REPS1: variants seen among roughly 807,000 people sequenced by gnomAD.
The protein encoded by REPS1 is ralBP1-associated Eps domain-containing protein 1.
A neutral mutation model predicts 100.9 loss-of-function variants in REPS1; 39 were observed. The observed-to-expected ratio is 0.39, with a 90% CI of 0.30 to 0.50. REPS1 has a LOEUF of 0.50. REPS1 is among the 20% of genes least tolerant of loss of function. REPS1 has a pLI of 0.86. For synonymous variants in REPS1, 324 were observed against 340.3 expected (o/e 0.95, Z 0.53); for missense variants, 821 against 968.5 (o/e 0.85, Z 2.02).
At position 138,917,588 on chromosome 6, in the gene REPS1, G is replaced by T; in HGVS notation, c.1568C>A (p.Pro523Gln). 6.2e-7 allele frequency: 1 copy of T among 1,613,542 alleles called. No individual in the cohort carries two copies. ...AGTTACATTGCTCCCGATCTGTTCT[G>T]GGTCAGAAGTAAAAGAGTCTGAACT... The part of the protein sequence containing the change: ...YSSSDSFTSD[P>Q]EQIGSNVTRQ... The change falls in exon 13 of 20, where the codon CCA (proline) becomes CAA (glutamine). Residue 523 changes from proline to glutamine, a missense_variant. By Grantham distance (76) the Pro-to-Gln change is moderately conservative. Coordinates refer to ENST00000450536, the MANE Select transcript of REPS1 (RefSeq NM_001286611.2).
At chr6:138,933,358 A>T (rs998271464) in intron 8 of REPS1, among the ~76,000 whole-genome samples, 1 of 152,246 alleles carries the variant, frequency 6.6e-6, no homozygotes, top group Non-Finnish European at 1.5e-5. Context: ...GACAATTCAT[A>T]AATAAGTGAT....
chr6:138,913,296 T>C (rs1322683635), intron 15 of REPS1, among the ~76,000 whole-genome samples: 1 of 152,108 alleles, frequency 6.6e-6, no homozygotes, highest in East Asian at 1.9e-4. Context: ...TAATGCACAA[T>C]AGTTTCTTCC....
At chr6:138,937,487 T>A (rs1213003867) in intron 8 of REPS1, among the ~76,000 whole-genome samples, 1 of 152,012 alleles carries the variant, frequency 6.6e-6, no homozygotes, top group African/African-American at 2.4e-5. Flanking sequence ...AAACTCTTCA[T>A]GGAAAGTCTT....
At chr6:138,975,442 G>C (rs1784549977) in intron 1 of REPS1, among the ~76,000 whole-genome samples, 1 of 152,182 alleles carries the variant, frequency 6.6e-6, no homozygotes, top group Admixed American at 6.5e-5. Context: ...AGCTAGGTTT[G>C]AAGAACAACA....
At chr6:138,925,229 T>C (rs907171349) in intron 10 of REPS1, among the ~76,000 whole-genome samples, 3 of 151,460 alleles carry the variant, frequency 2.0e-5, no homozygotes, top group African/African-American at 7.3e-5. Flanking sequence ...TAGCCAGGCA[T>C]GGTGGCGGAC....
intron 19 of REPS1, among the ~76,000 whole-genome samples, chr6:138,905,482 G>A (rs1341932707): frequency 5.4e-5 from 8 of 146,798 alleles, no homozygotes; most frequent in Non-Finnish European, 9.1e-5. Flanking sequence ...TAGTAGAGAC[G>A]GGGTTTCACC....
chr6:138,921,090 A>G lies in REPS1; in HGVS notation c.1373T>C (p.Met458Thr), dbSNP rs1780723967. 3 of 1,612,310 alleles carry G rather than the reference A, an allele frequency of 1.9e-6. No individual in the cohort carries two copies. The highest frequency in any genetic ancestry group is 2.5e-6 in the Non-Finnish European group (3 of 1,178,848). The change falls in exon 11 of 20, where the codon ATG becomes ACG. Residue 458 changes from methionine to threonine, a missense_variant. Physicochemically the swap from Met to Thr is moderately conservative, Grantham distance 81. Around this residue, in one of 3 missense-constraint regions of REPS1, gnomAD observed 757 missense variants for 866.4 expected, o/e 0.87. Coordinates refer to ENST00000450536, the MANE Select transcript of REPS1 (RefSeq NM_001286611.2). Reference protein sequence around the residue: ...TAIVHPVPIRMTPSKIHMQEM... With the variant: ...TAIVHPVPIRTTPSKIHMQEM... ...CTGCATGTGGATTTTGCTTGGAGTCATACGAATGGGAACTGGATGAACAAT... is the reference window on the plus strand; with the variant it reads ...CTGCATGTGGATTTTGCTTGGAGTCGTACGAATGGGAACTGGATGAACAAT...
Position 138,907,673 on chromosome 6 carries a change from A to T in REPS1, c.2217-73T>A, listed in dbSNP as rs185991369. ...CTTAAATCCTCTCTATTCCTTCCTG[A>T]TCTATTTCTAAACATGAGAAGCAAA... On this transcript the variant is annotated intron_variant, in intron 18 of 19. Transcript: ENST00000450536. 1,483 of 940,124 alleles carry T rather than the reference A, an allele frequency of 1.6e-3. 5 individuals are homozygous for T. The highest frequency in any genetic ancestry group is 4.9e-3 in the Middle Eastern group (23 of 4,652). 58.2% of individuals were successfully genotyped at this position (940,124 alleles called of 1,614,324 possible).
chr6:138,937,912 A>C (rs17068141), intron 8 of REPS1, among the ~76,000 whole-genome samples: 13,381 of 152,184 alleles, frequency 0.088, 1,233 homozygotes, highest in African/African-American at 0.23. Context: ...ACAGAAGTAC[A>C]TGTAAAATTG....
Position 138,944,511 on chromosome 6 carries a change from G to A in REPS1, c.740C>T (p.Pro247Leu). The change falls in exon 5 of 20, where the codon CCT (proline) becomes CTT (leucine). Residue 247 changes from proline (P) to leucine (L), a missense_variant. Physicochemically the swap from Pro to Leu is moderately conservative, Grantham distance 98 (BLOSUM62 -3). Transcript: ENST00000450536. ...PPTSTLLTMH[P>L]ASVQDQTTVR... ...AAAATGTCACACCTGGACAGAAGCA[G>A]GATGCATGGTTAAAAGAGTACTGGT... 6.2e-7 allele frequency: 1 copy of A among 1,613,888 alleles called. No individual in the cohort carries two copies. The highest frequency in any genetic ancestry group is 8.5e-7 in the Non-Finnish European group (1 of 1,179,864).
chr6:138,915,815 T>A (rs1780329560), intron 14 of REPS1, 43 bp downstream of exon 14: 1 of 1,347,352 alleles, frequency 7.4e-7, no homozygotes, highest in South Asian at 1.2e-5. Context: ...GGATTAACTT[T>A]AAAATTAAAT....
At chr6:138,968,876 T>C (rs1426855919) in intron 1 of REPS1, among the ~76,000 whole-genome samples, 1 of 151,858 alleles carries the variant, frequency 6.6e-6, no homozygotes, top group East Asian at 1.9e-4. Context: ...AAGCTGCAAC[T>C]TTCTCCATGA....
chr6:138,936,582 G>A (rs1451866775), intron 8 of REPS1, among the ~76,000 whole-genome samples: 6 of 140,420 alleles, frequency 4.3e-5, no homozygotes, highest in Admixed American at 7.1e-5. Context: ...AGAGAGAGAC[G>A]GCAGGGTGGG....
rs750323621 is a variant in REPS1, at chr6:138,944,566, T to A, written c.685A>T (p.Asn229Tyr). 6 of 1,613,894 alleles carry A rather than the reference T, an allele frequency of 3.7e-6. No homozygotes were observed. The South Asian group carries it at 6.6e-5, about 18-fold the overall frequency. ...GGAGTATCTGCAAAACTGACCCAGT[T>A]TTCTTGAGGTGGAGGTGGGGAATGC... The part of the protein sequence containing the change: ...SGHSPPPPQE[N>Y]WVSFADTPPT... Residue 229 changes from asparagine to tyrosine, a missense_variant, in exon 5 of 20, where the codon AAC becomes TAC. Around this residue, in one of 3 missense-constraint regions of REPS1, gnomAD observed 757 missense variants for 866.4 expected, o/e 0.87. Transcript: ENST00000450536.
At chr6:138,981,510 A>G (rs750677754) in intron 1 of REPS1, among the ~76,000 whole-genome samples, 3 of 152,192 alleles carry the variant, frequency 2.0e-5, no homozygotes, top group Non-Finnish European at 4.4e-5. Flanking sequence ...CTAAGCACCC[A>G]TGGATTTATG....
chr6:138,960,664 C>G (rs1401857319), intron 1 of REPS1, among the ~76,000 whole-genome samples: 3 of 152,096 alleles, frequency 2.0e-5, no homozygotes, highest in African/African-American at 7.2e-5. Flanking sequence ...CAGATACATG[C>G]TGGAAAAGGA....
At position 138,908,787 on chromosome 6, in the gene REPS1, T is replaced by C. The variant is rs1183978980; in HGVS notation, c.2097A>G (p.Pro699=). 2 of 1,614,062 alleles carry C rather than the reference T, an allele frequency of 1.2e-6. No homozygotes were observed. Among genetic ancestry groups the C allele is most frequent in the South Asian group, 2.2e-5 (2 of 91,054 alleles). ...TTAATCTTCTTCGAACAGGTTTAGG[T>C]GGTGGAGCAAGTGGTGTTGTGCCTT... ...VSKGTTPLAP[P]PKPVRRRLKS... is the part of the protein sequence containing the mutation. The change falls in exon 18 of 20, where the codon CCA becomes CCG. Residue 699 remains proline (P), a synonymous_variant. Transcript: ENST00000450536.
intron 8 of REPS1, chr6:138,934,091 A>G (rs1781651733): frequency 1.1e-5 from 2 of 186,746 alleles, no homozygotes; most frequent in Non-Finnish European, 2.3e-5. Flanking sequence ...ACAACCATTC[A>G]GTCTAGAAAT....
intron 8 of REPS1, 67 bp from the exon 9 acceptor site, chr6:138,930,165 T>C: frequency 7.2e-7 from 1 of 1,382,628 alleles, no homozygotes; most frequent in East Asian, 2.4e-5. Context: ...GCATATTTAC[T>C]TATTAAAAAA....
Sources: allele counts gnomAD v4.1 joint callset (sites outside exome capture counted in the v4.1 genomes callset), GRCh38; gene constraint gnomAD v4.1.1; regional missense constraint gnomAD v4.1.1; transcripts MANE v1.5; gene names NCBI Gene and HGNC (gene_info 2026-07-23, HGNC 2026-07-21).